ALCAM: variants seen among roughly 807,000 people sequenced by gnomAD.
The protein encoded by ALCAM is CD166 antigen.
ALCAM carries 30 observed loss-of-function variants against 70.9 expected under a neutral mutation model. The observed-to-expected ratio is 0.42, with a 90% CI of 0.32 to 0.57. The LOEUF (loss-of-function observed/expected upper bound fraction) is 0.57, where lower values mean the gene tolerates loss of function less well. Among genes scored for constraint, ALCAM ranks in the 20% least tolerant of loss-of-function variants. The probability of loss-of-function intolerance (pLI) is 0.11; values close to 1 mark genes in which losing one functional copy is unlikely to be tolerated. For synonymous variants in ALCAM, 249 were observed against 242.5 expected (o/e 1.03, Z -0.25); for missense variants, 591 against 695.1 (o/e 0.85, Z 1.68).
intron 1 of ALCAM, among the ~76,000 whole-genome samples, chr3:105,421,716 G>T (rs934665467): frequency 1.6e-4 from 24 of 151,414 alleles, no homozygotes; most frequent in African/African-American, 4.6e-4. Context: ...ATTTCTAAAA[G>T]AATTTTGTTC....
chr3:105,458,015 T>G (rs939187503), intron 1 of ALCAM, among the ~76,000 whole-genome samples: 8 of 151,878 alleles, frequency 5.3e-5, no homozygotes, highest in African/African-American at 1.7e-4. Context: ...ATGCTCATTA[T>G]AAATCTAAAA....
In ALCAM at chr3:105,428,841, T is replaced by C. The variant is rs150030265; in HGVS notation, c.73+61360T>C. Among the ~76,000 whole-genome samples the C allele has an allele frequency of 1.0e-3, 154 of 152,112 alleles. 1 individual carries two copies. The highest frequency in any genetic ancestry group is 1.4e-3 in the Admixed American group (22 of 15,256). ...ACAATGTGGTGCTACTAGCCTGGAA[T>C]TGGTATGAATAAGCCCTTTAAAAAA... On this transcript the variant is annotated intron_variant, in intron 1 of 15. Coordinates refer to ENST00000306107, the MANE Select transcript of ALCAM (RefSeq NM_001627.4).
At chr3:105,504,356 T>C (rs1939005575) in intron 1 of ALCAM, among the ~76,000 whole-genome samples, 1 of 152,242 alleles carries the variant, frequency 6.6e-6, no homozygotes, top group African/African-American at 2.4e-5. Context: ...GGGCTTTCTG[T>C]ATCTCGGGTT....
chr3:105,381,413 T>G (rs1935516032), intron 1 of ALCAM, among the ~76,000 whole-genome samples: 1 of 151,882 alleles, frequency 6.6e-6, no homozygotes, highest in South Asian at 2.1e-4. Flanking sequence ...GTCATGTTTT[T>G]ATGGGGCGTA....
At chr3:105,535,810 C>G (rs1010857964) in intron 6 of ALCAM, among the ~76,000 whole-genome samples, 1 of 151,926 alleles carries the variant, frequency 6.6e-6, no homozygotes, top group Non-Finnish European at 1.5e-5. Context: ...TCTACAGTAA[C>G]CTAGCACTTC....
chr3:105,476,865 C>T (rs1418678693), intron 1 of ALCAM, among the ~76,000 whole-genome samples: 1 of 152,012 alleles, frequency 6.6e-6, no homozygotes, highest in African/African-American at 2.4e-5. Flanking sequence ...AGTTGTATCT[C>T]CCAGAATTTC....
At chr3:105,566,625 A>G (rs1204652916) in intron 14 of ALCAM, among the ~76,000 whole-genome samples, 2 of 152,102 alleles carry the variant, frequency 1.3e-5, no homozygotes, top group South Asian at 2.1e-4. Context: ...TGTGGTTGCT[A>G]TAAGGATTAC....
intron 1 of ALCAM, among the ~76,000 whole-genome samples, chr3:105,410,061 G>A (rs1936348268): frequency 1.3e-5 from 2 of 152,148 alleles, no homozygotes; most frequent in South Asian, 4.1e-4. Flanking sequence ...GTGAGTTTGG[G>A]AAAATGTGTC....
chr3:105,532,781 A>T (rs1432468062), intron 4 of ALCAM, among the ~76,000 whole-genome samples: 2 of 152,154 alleles, frequency 1.3e-5, no homozygotes, highest in Non-Finnish European at 2.9e-5. Context: ...ACAAGAAAGG[A>T]TAGAAAGAGA....
intron 1 of ALCAM, among the ~76,000 whole-genome samples, chr3:105,406,329 CT>C (rs1936228787): frequency 6.6e-6 from 1 of 152,124 alleles, no homozygotes; most frequent in South Asian, 2.1e-4. Context: ...TAAATGGGTC[CT>C]ATTAAGAATT....
chr3:105,570,570 C>A (rs1396260384), intron 14 of ALCAM, among the ~76,000 whole-genome samples: 1 of 152,074 alleles, frequency 6.6e-6, no homozygotes, highest in Non-Finnish European at 1.5e-5. Context: ...AACATGTGGA[C>A]ACACACATGT....
At chr3:105,554,332 A>G (rs1387613471) in intron 14 of ALCAM, among the ~76,000 whole-genome samples, 1 of 151,880 alleles carries the variant, frequency 6.6e-6, no homozygotes, top group Non-Finnish European at 1.5e-5. Context: ...AGCAAGAAAA[A>G]ATGTCCCAGT....
chr3:105,549,310 C>T (rs1386844920), intron 11 of ALCAM, among the ~76,000 whole-genome samples: 1 of 151,352 alleles, frequency 6.6e-6, no homozygotes, highest in Non-Finnish European at 1.5e-5. Flanking sequence ...CTCTGCCCCT[C>T]CTCCACCCCA....
chr3:105,386,264 A>C (rs2107344263), intron 1 of ALCAM, among the ~76,000 whole-genome samples: 1 of 151,792 alleles, frequency 6.6e-6, no homozygotes, highest in South Asian at 2.1e-4. Flanking sequence ...AGAGTTAGGA[A>C]GACAGAAGTG....
At chr3:105,552,807 T>A (rs1398996130) in intron 14 of ALCAM, 2 of 1,339,582 alleles carry the variant, frequency 1.5e-6, no homozygotes, top group East Asian at 5.9e-5. Flanking sequence ...CGTTTATTTG[T>A]CTCAATCAAT....
At chr3:105,528,406 T>A (rs1189376032) in intron 3 of ALCAM, among the ~76,000 whole-genome samples, 1 of 152,160 alleles carries the variant, frequency 6.6e-6, no homozygotes, top group East Asian at 1.9e-4. Context: ...TTACCACAAT[T>A]TCTTCTCCAG....
intron 1 of ALCAM, among the ~76,000 whole-genome samples, chr3:105,425,874 A>G (rs1389004278): frequency 1.3e-5 from 2 of 151,796 alleles, no homozygotes; most frequent in East Asian, 3.9e-4. Flanking sequence ...ATCTTTACCT[A>G]ACTGGCTATG....
intron 2 of ALCAM, 43 bp from the exon 3 acceptor site, chr3:105,524,246 T>G (rs1198792886): frequency 6.8e-7 from 1 of 1,469,982 alleles, no homozygotes; most frequent in Non-Finnish European, 9.3e-7. Flanking sequence ...CTGAAACATC[T>G]GAATATGCTT....
intron 1 of ALCAM, among the ~76,000 whole-genome samples, chr3:105,498,985 T>C (rs970509766): frequency 1.3e-5 from 2 of 152,184 alleles, no homozygotes; most frequent in Non-Finnish European, 2.9e-5. Flanking sequence ...GCTTATTGTA[T>C]TGATATATGT....
Sources: allele counts gnomAD v4.1 joint callset (sites outside exome capture counted in the v4.1 genomes callset), GRCh38; gene constraint gnomAD v4.1.1; transcripts MANE v1.5; gene names NCBI Gene and HGNC (gene_info 2026-07-23, HGNC 2026-07-21).